Variants in CCDC7 observed in about 807,000 individuals in gnomAD.
CCDC7 encodes coiled-coil domain containing 7, also known as coiled-coil domain-containing protein 7.
A neutral mutation model predicts 196.9 loss-of-function variants in CCDC7; 183 were observed. The observed-to-expected ratio is 0.93, with a 90% confidence interval of 0.82 to 1.05. CCDC7 has a LOEUF of 1.05. Among genes scored for constraint, CCDC7 ranks in the 50% least tolerant of loss-of-function variants. The pLI is 0.00. For missense variants in CCDC7, 1,540 were observed against 1,482.2 expected (o/e 1.04, Z -0.64); for synonymous variants, 525 against 484.6 (o/e 1.08, Z -1.10).
intron 18 of CCDC7, among the ~76,000 whole-genome samples, chr10:32,610,072 A>G (rs775932958): frequency 1.3e-5 from 2 of 150,486 alleles, no homozygotes; most frequent in South Asian, 4.2e-4. Context: ...TAAACTTTTT[A>G]AATATATTTA....
intron 28 of CCDC7, among the ~76,000 whole-genome samples, chr10:32,757,867 A>G (rs1377233088): frequency 6.6e-6 from 1 of 152,234 alleles, no homozygotes; most frequent in Non-Finnish European, 1.5e-5. Flanking sequence ...CAAGACTAAT[A>G]AAGAAGAAGA....
chr10:32,614,426 G>T (rs529419962), intron 18 of CCDC7, among the ~76,000 whole-genome samples: 3 of 151,996 alleles, frequency 2.0e-5, no homozygotes, highest in African/African-American at 7.2e-5. Flanking sequence ...TTTCATTGGG[G>T]CATTTAGCCT....
chr10:32,568,640 T>A (rs1214567357), intron 15 of CCDC7, among the ~76,000 whole-genome samples: 2 of 152,192 alleles, frequency 1.3e-5, no homozygotes, highest in Non-Finnish European at 2.9e-5. Context: ...GTCAGCTGCT[T>A]TAAGACAAAG....
intron 28 of CCDC7, among the ~76,000 whole-genome samples, chr10:32,736,525 T>G (rs933361808): frequency 6.6e-6 from 1 of 152,208 alleles, no homozygotes; most frequent in East Asian, 1.9e-4. Flanking sequence ...TATCTCCCAA[T>G]GCTATCCCTC....
intron 23 of CCDC7, among the ~76,000 whole-genome samples, chr10:32,693,864 G>A (rs187819370): frequency 2.0e-5 from 3 of 152,098 alleles, no homozygotes; most frequent in Admixed American, 6.5e-5. Context: ...GCATTCTGTC[G>A]AGGGCTGGCT....
intron 41 of CCDC7, among the ~76,000 whole-genome samples, chr10:32,875,127 C>G (rs1489400712): frequency 6.6e-6 from 1 of 151,918 alleles, no homozygotes; most frequent in Non-Finnish European, 1.5e-5. Context: ...TTTTTGGGTT[C>G]TCTATTCTGT....
At chr10:32,465,977 T>G (rs1011621922) in intron 5 of CCDC7, among the ~76,000 whole-genome samples, 6 of 152,196 alleles carry the variant, frequency 3.9e-5, no homozygotes, top group African/African-American at 1.4e-4. Flanking sequence ...GTCCTCTGGG[T>G]TTTACTTTCT....
intron 20 of CCDC7, among the ~76,000 whole-genome samples, chr10:32,659,674 T>C (rs2070807389): frequency 6.6e-6 from 1 of 152,020 alleles, no homozygotes; most frequent in African/African-American, 2.4e-5. Flanking sequence ...GCAAAAGACA[T>C]GAATGGACAC....
At chr10:32,841,629 GA>G (rs1198101365) in intron 33 of CCDC7, among the ~76,000 whole-genome samples, 1 of 151,666 alleles carries the variant, frequency 6.6e-6, no homozygotes, top group African/African-American at 2.4e-5. Flanking sequence ...AATTCATATG[GA>G]ACCAAAAAAA....
chr10:32,841,927 C>G (rs1421408268), intron 33 of CCDC7, among the ~76,000 whole-genome samples: 1 of 151,956 alleles, frequency 6.6e-6, no homozygotes, highest in Non-Finnish European at 1.5e-5. Context: ...AAACTGGATC[C>G]TCATCTCTCT....
intron 13 of CCDC7, among the ~76,000 whole-genome samples, chr10:32,551,491 G>A (rs909497837): frequency 2.0e-4 from 31 of 151,938 alleles, no homozygotes; most frequent in East Asian, 9.6e-4. Context: ...TGACCTTAGA[G>A]TGTCAGTTTG....
intron 39 of CCDC7, 77 bp downstream of exon 40, chr10:32,848,795 C>T: frequency 8.8e-7 from 1 of 1,142,776 alleles, no homozygotes; most frequent in Non-Finnish European, 1.3e-6. Context: ...TTTTCATTTA[C>T]TCTTTTTGCA....
intron 21 of CCDC7, among the ~76,000 whole-genome samples, chr10:32,671,642 G>A (rs1186364543): frequency 6.6e-6 from 1 of 152,134 alleles, no homozygotes; most frequent in Non-Finnish European, 1.5e-5. Context: ...CGTATCTTTA[G>A]TTTTTCATGT....
At chr10:32,756,916 C>G (rs900859881) in intron 28 of CCDC7, among the ~76,000 whole-genome samples, 1 of 152,080 alleles carries the variant, frequency 6.6e-6, no homozygotes, top group Admixed American at 6.5e-5. Context: ...ATCTGCCAAG[C>G]AAATGGAAAA....
intron 18 of CCDC7, among the ~76,000 whole-genome samples, chr10:32,587,882 G>C (rs1243724421): frequency 6.6e-6 from 1 of 152,128 alleles, no homozygotes; most frequent in Non-Finnish European, 1.5e-5. Flanking sequence ...GTTATGGTTT[G>C]AATGTATACC....
At chr10:32,852,674 C>T (rs976412280) in intron 40 of CCDC7, among the ~76,000 whole-genome samples, 2 of 152,022 alleles carry the variant, frequency 1.3e-5, no homozygotes, top group African/African-American at 4.8e-5. Context: ...ATATCCATGG[C>T]ACTTTCTATC....
chr10:32,462,708 G>T lies in CCDC7; in HGVS notation c.477+5G>T, dbSNP rs770407353. ...ATTTTGGAATCTCTTTTTAAGGTAC[G>T]TTCAATATATTACAGCTTAAGCCTA... On this transcript the variant is annotated splice_donor_5th_base_variant and intron_variant, in intron 4 of 41. Coordinates refer to ENST00000639629, the Ensembl canonical transcript of CCDC7. The T allele has an allele frequency of 2.7e-6, 4 of 1,457,756 alleles. No homozygotes were observed. Among genetic ancestry groups the T allele is most frequent in the Non-Finnish European group, 2.8e-6 (3 of 1,071,908 alleles). The allele number at this position is 1,457,756 out of a possible 1,614,324, so 90.3% of individuals were successfully genotyped here. A position where few individuals can be genotyped will look rare whatever the true frequency, so the allele number is the denominator to read the frequency against.
At position 32,755,604 on chromosome 10, in the gene CCDC7, A is replaced by T. The variant is rs534673743; in HGVS notation, c.2906-23373A>T. On this transcript the variant is annotated intron_variant, in intron 28 of 41. Transcript: ENST00000639629. ...CACACCAAAACCCCATCTGTATGTC[A>T]CCAACATCAAAGACCAAAGTTAGAT... Among the ~76,000 whole-genome samples, 301 of 152,292 alleles carry T rather than the reference A, an allele frequency of 2.0e-3. 1 individual carries two copies. Among genetic ancestry groups the T allele is most frequent in the Non-Finnish European group, 3.8e-3 (257 of 68,018 alleles).
At chr10:32,691,051 TTTC>T (rs1386984057) in intron 23 of CCDC7, among the ~76,000 whole-genome samples, 1 of 152,176 alleles carries the variant, frequency 6.6e-6, no homozygotes, top group Non-Finnish European at 1.5e-5. Flanking sequence ...AGAAATGCAA[TTTC>T]TTCCCACCTT....
Sources: allele counts gnomAD v4.1 joint callset (sites outside exome capture counted in the v4.1 genomes callset), GRCh38; gene constraint gnomAD v4.1.1; transcripts MANE v1.5; gene names NCBI Gene and HGNC (gene_info 2026-07-23, HGNC 2026-07-21).